DNAJC1: variants seen among roughly 807,000 people sequenced by gnomAD.
DNAJC1 encodes dnaJ homolog subfamily C member 1.
Under a neutral mutation model 76.6 loss-of-function variants are expected in DNAJC1, and 58 were observed. That is an observed-to-expected ratio of 0.76 (90% CI 0.61 to 0.94). The LOEUF is 0.94. DNAJC1 is among the 40% of genes least tolerant of loss of function. The pLI, the probability that DNAJC1 is intolerant of heterozygous loss-of-function variation, is 0.00. For synonymous variants in DNAJC1, 258 were observed against 267.9 expected, an observed-to-expected ratio of 0.96 and a Z score of 0.36; for missense variants, 689 against 677.3, an observed-to-expected ratio of 1.02 and a Z score of -0.19.
At chr10:21,933,667 T>G in intron 1 of DNAJC1, among the ~76,000 whole-genome samples, 1 of 152,224 alleles carries the variant, frequency 6.6e-6, no homozygotes, top group Non-Finnish European at 1.5e-5. Flanking sequence ...ATATATTATT[T>G]ATTCATTTAT....
At chr10:21,892,146 T>C (rs1282441245) in intron 7 of DNAJC1, among the ~76,000 whole-genome samples, 2 of 151,724 alleles carry the variant, frequency 1.3e-5, no homozygotes, top group Non-Finnish European at 2.9e-5. Context: ...TAAAAAGTGA[T>C]ACAAAGAAAT....
chr10:21,910,394 C>T (rs564310786), intron 6 of DNAJC1, among the ~76,000 whole-genome samples: 9 of 152,136 alleles, frequency 5.9e-5, no homozygotes, highest in Non-Finnish European at 1.2e-4. Context: ...GTGTGAGCCA[C>T]CGCACCCGGA....
chr10:21,929,508 CTCTT>C (rs1353128785), intron 1 of DNAJC1, among the ~76,000 whole-genome samples: 2 of 152,148 alleles, frequency 1.3e-5, no homozygotes, highest in Admixed American at 6.5e-5. Flanking sequence ...TTCAAAGAAA[CTCTT>C]TATTTACTGG....
At chr10:21,863,872 T>C (rs1470721025) in intron 8 of DNAJC1, among the ~76,000 whole-genome samples, 1 of 152,054 alleles carries the variant, frequency 6.6e-6, no homozygotes, top group African/African-American at 2.4e-5. Flanking sequence ...CCTAACATAA[T>C]TGGTGGTAAA....
At chr10:21,775,123 T>C (rs1834437616) in intron 9 of DNAJC1, among the ~76,000 whole-genome samples, 1 of 152,174 alleles carries the variant, frequency 6.6e-6, no homozygotes, top group Non-Finnish European at 1.5e-5. Context: ...GGAAACGATG[T>C]GATGTCGCTA....
Position 21,998,404 on chromosome 10 carries a change from A to AG in DNAJC1, c.222+4808_222+4809insC, listed in dbSNP as rs1189764052. Reference sequence around the variant, plus strand: ...GACTCCATCTCAAAAAAAAAAAAAAAAAAAAGAAATACAGAATTGCCACTG... The same window carrying AG: ...GACTCCATCTCAAAAAAAAAAAAAAAGAAAAAGAAATACAGAATTGCCACTG... On this transcript the variant is annotated intron_variant, in intron 1 of 11. Coordinates refer to ENST00000376980, the MANE Select transcript of DNAJC1 (RefSeq NM_022365.4). Among the ~76,000 whole-genome samples the AG allele has an allele frequency of 4.0e-5, 6 of 151,466 alleles. No individual in the cohort carries two copies. The South Asian group carries it at 8.3e-4, about 21-fold the overall frequency.
intron 7 of DNAJC1, among the ~76,000 whole-genome samples, chr10:21,897,074 T>C (rs1836556228): frequency 6.6e-6 from 1 of 152,146 alleles, no homozygotes; most frequent in South Asian, 2.1e-4. Context: ...AAGAAGAGAA[T>C]TAAATTTCTG....
At chr10:21,928,401 A>AT in intron 3 of DNAJC1, 105 bp downstream of exon 3, 1 of 1,054,544 alleles carries the variant, frequency 9.5e-7, no homozygotes, top group Non-Finnish European at 1.4e-6. Context: ...AGGAACAAAA[A>AT]TAAAATGCTA....
chr10:21,766,262 T>A lies in DNAJC1; in HGVS notation c.1146A>T (p.Pro382=). 1 of 1,611,830 alleles carries A rather than the reference T, an allele frequency of 6.2e-7. No homozygotes were observed. Among genetic ancestry groups the A allele is most frequent in the East Asian group, 2.2e-5 (1 of 44,856 alleles). Residue 382 remains proline (P), a splice_region_variant and synonymous_variant, in exon 10 of 12, where the codon CCA becomes CCT. Coordinates refer to ENST00000376980, the MANE Select transcript of DNAJC1 (RefSeq NM_022365.4). Reference sequence around the variant, plus strand: ...GAGATAGAGGAAGTATGAACTCACCTGGGGAGCAGGTCACTGAATCCTTCA... The same window carrying A: ...GAGATAGAGGAAGTATGAACTCACCAGGGGAGCAGGTCACTGAATCCTTCA... ...KQLKDSVTCS[P]GMVRLSELKS... is the part of the protein sequence containing the mutation.
rs200165232 is a variant in DNAJC1, at chr10:21,778,871, C to T, written c.1099-12562G>A. Among the ~76,000 whole-genome samples the T allele has an allele frequency of 3.3e-5, 5 of 152,196 alleles. 1 individual carries two copies. In the East Asian group the frequency reaches 9.6e-4, roughly 29 times the overall value. On this transcript the variant is annotated intron_variant, in intron 9 of 11. Coordinates refer to ENST00000376980, the MANE Select transcript of DNAJC1 (RefSeq NM_022365.4). ...CCAAGGGAAGCTGTGAAAGACGGCA[C>T]CTGGAAAATTGGGTCACTCCCACCC...
chr10:21,793,429 A>G (rs1834714695), intron 9 of DNAJC1, among the ~76,000 whole-genome samples: 1 of 152,214 alleles, frequency 6.6e-6, no homozygotes, highest in Non-Finnish European at 1.5e-5. Context: ...TGCACTCACC[A>G]CTTCTGTATA....
chr10:21,772,596 A>G lies in DNAJC1; in HGVS notation c.1099-6287T>C, dbSNP rs563923908. Among the ~76,000 whole-genome samples, 22 of 151,306 alleles carry G rather than the reference A, an allele frequency of 1.5e-4. No individual in the cohort carries two copies. In the South Asian group the frequency reaches 4.6e-3, roughly 32 times the overall value. ...ATTGGCAGTAATGTCCTTTTTTTTG[A>G]CCCTAGAAATTTGAGTCCTTTCTCT... is the stretch of plus-strand genomic sequence containing the variant. On this transcript the variant is annotated intron_variant, in intron 9 of 11. Coordinates refer to ENST00000376980, the MANE Select transcript of DNAJC1 (RefSeq NM_022365.4).
intron 8 of DNAJC1, among the ~76,000 whole-genome samples, chr10:21,842,482 C>A (rs1835590100): frequency 6.6e-6 from 1 of 152,136 alleles, no homozygotes; most frequent in African/African-American, 2.4e-5. Context: ...ATGGTATTGT[C>A]AGAATAAGTT....
At chr10:21,886,387 G>C (rs1263915309) in intron 7 of DNAJC1, among the ~76,000 whole-genome samples, 1 of 152,068 alleles carries the variant, frequency 6.6e-6, no homozygotes, top group Non-Finnish European at 1.5e-5. Flanking sequence ...ATTCACAGCT[G>C]AATTCTACCA....
At chr10:21,920,358 A>G (rs1012825026) in intron 4 of DNAJC1, among the ~76,000 whole-genome samples, 38 of 152,088 alleles carry the variant, frequency 2.5e-4, no homozygotes, top group African/African-American at 8.4e-4. Flanking sequence ...AGAAAAGTGT[A>G]ATAATTTTTT....
At chr10:21,828,294 C>A (rs1835296718) in intron 8 of DNAJC1, among the ~76,000 whole-genome samples, 1 of 152,110 alleles carries the variant, frequency 6.6e-6, no homozygotes, top group South Asian at 2.1e-4. Flanking sequence ...ACTCATTTAA[C>A]AGATCAGAAA....
At chr10:21,976,148 T>C (rs1417598432) in intron 1 of DNAJC1, among the ~76,000 whole-genome samples, 3 of 152,188 alleles carry the variant, frequency 2.0e-5, no homozygotes, top group Non-Finnish European at 2.9e-5. Context: ...AAGACAGTAA[T>C]AGATTTATTG....
chr10:21,966,488 TAA>T (rs1439085421), intron 1 of DNAJC1, among the ~76,000 whole-genome samples: 1 of 150,094 alleles, frequency 6.7e-6, no homozygotes, highest in East Asian at 1.9e-4. Flanking sequence ...ATTCTACTGT[TAA>T]AAAAAAAGCT....
intron 9 of DNAJC1, among the ~76,000 whole-genome samples, chr10:21,786,603 A>G (rs1834614451): frequency 6.6e-6 from 1 of 151,542 alleles, no homozygotes; most frequent in Admixed American, 6.6e-5. Flanking sequence ...CTAATGCCTC[A>G]GCCTCCCGCG....
Sources: gnomAD v4.1 joint callset for allele counts (sites outside exome capture counted in the v4.1 genomes callset) on GRCh38, gnomAD v4.1.1 for gene constraint, MANE v1.5 for transcripts, NCBI Gene and HGNC (gene_info 2026-07-23, HGNC 2026-07-21) for gene names.